Variants in RHBDF2 observed in about 807,000 individuals in gnomAD.
The protein encoded by RHBDF2 is inactive rhomboid protein 2.
RHBDF2 carries 38 observed loss-of-function variants against 95.2 expected under a neutral mutation model. The ratio of observed to expected loss-of-function variants is 0.40; its 90% CI spans 0.31 to 0.52. The LOEUF (loss-of-function observed/expected upper bound fraction) is 0.52. Ranked by LOEUF, RHBDF2 falls within the 20% of genes least tolerant of loss-of-function variation. The pLI, the probability that RHBDF2 is intolerant of heterozygous loss-of-function variation, is 0.56. For missense variants in RHBDF2, 863 were observed against 1,137.7 expected (o/e 0.76, Z 3.47); for synonymous variants, 442 against 462.0 (o/e 0.96, Z 0.55).
intron 1 of RHBDF2, among the ~76,000 whole-genome samples, chr17:76,494,896 A>G (rs780357243): frequency 3.9e-5 from 6 of 152,172 alleles, no homozygotes; most frequent in Admixed American, 6.5e-5. Context: ...CTTTGGGGCA[A>G]TGAAGGGAAG....
intron 1 of RHBDF2, among the ~76,000 whole-genome samples, chr17:76,488,336 C>T (rs1193128119): frequency 6.6e-6 from 1 of 151,684 alleles, no homozygotes; most frequent in African/African-American, 2.4e-5. Context: ...CCCATCTCTA[C>T]TAAAAATACA....
intron 9 of RHBDF2, 40 bp from the exon 10 acceptor site, chr17:76,475,181 A>G: frequency 2.1e-6 from 3 of 1,461,828 alleles, no homozygotes; most frequent in Non-Finnish European, 2.8e-6. Context: ...CCGAGCTCCT[A>G]TCCCAACCCC....
At chr17:76,497,153 C>T (rs2074446102) in intron 1 of RHBDF2, among the ~76,000 whole-genome samples, 1 of 152,190 alleles carries the variant, frequency 6.6e-6, no homozygotes, top group Non-Finnish European at 1.5e-5. Flanking sequence ...GGGCAGGAAG[C>T]CATCCCTGCA....
At chr17:76,478,282 G>A (rs2073835578) in intron 6 of RHBDF2, among the ~76,000 whole-genome samples, 2 of 152,296 alleles carry the variant, frequency 1.3e-5, no homozygotes, top group South Asian at 4.1e-4. Flanking sequence ...TGGGCTCCTG[G>A]CCCTTGCATA....
intron 2 of RHBDF2, among the ~76,000 whole-genome samples, chr17:76,484,775 G>A (rs1484882559): frequency 1.3e-5 from 2 of 152,118 alleles, no homozygotes; most frequent in African/African-American, 4.8e-5. Flanking sequence ...AGCTTTCCTG[G>A]GCCCCTCATT....
rs141461044 is a variant in RHBDF2, at chr17:76,473,753, G to A, written c.1639-11C>T. 270 of 1,611,896 alleles carry A rather than the reference G, an allele frequency of 1.7e-4. No individual in the cohort carries two copies. In the African/African-American group the frequency reaches 3.4e-3, roughly 20 times the overall value. ...CTGCTCTGTGCAGATCTGCCAGGAG[G>A]GGGCACCGGCAGGGAAGTGGGCTGT... On this transcript the variant is annotated splice_polypyrimidine_tract_variant and intron_variant, in intron 14 of 18. Coordinates refer to ENST00000675367, the MANE Select transcript of RHBDF2 (RefSeq NM_001005498.4).
chr17:76,497,450 C>T (rs1186688112), intron 1 of RHBDF2, among the ~76,000 whole-genome samples: 2 of 152,236 alleles, frequency 1.3e-5, no homozygotes, highest in Non-Finnish European at 2.9e-5. Flanking sequence ...CAGACACAGC[C>T]ACTCCTACAG....
At chr17:76,485,019 C>G (rs2074081936) in intron 2 of RHBDF2, among the ~76,000 whole-genome samples, 1 of 152,212 alleles carries the variant, frequency 6.6e-6, no homozygotes, top group African/African-American at 2.4e-5. Flanking sequence ...CGCCTGTAAT[C>G]TCAGCATTTT....
In RHBDF2 at chr17:76,471,694, G is replaced by T. The variant is rs2073567975; in HGVS notation, c.2423C>A (p.Thr808Asn). 1.9e-6 allele frequency: 3 copies of T among 1,610,822 alleles called. No individual in the cohort carries two copies. The highest frequency in any genetic ancestry group is 2.5e-6 in the Non-Finnish European group (3 of 1,178,820). Reference sequence around the variant, plus strand: ...GAAGCGGCTGGTGAAGGGGAAGCAGGTGAGGTGCTCGATCCAGGGCCAGTT... The same window carrying T: ...GAAGCGGCTGGTGAAGGGGAAGCAGTTGAGGTGCTCGATCCAGGGCCAGTT... ...PINWPWIEHL[T>N]CFPFTSRFCE... The change falls in exon 19 of 19, where the codon ACC becomes AAC. Residue 808 changes from threonine (T) to asparagine (N), a missense_variant. By Grantham distance (65) the Thr-to-Asn change is moderately conservative. Transcript: ENST00000675367.
At chr17:76,478,632 G>A (rs2073847762) in intron 6 of RHBDF2, among the ~76,000 whole-genome samples, 174 bp downstream of exon 6, 1 of 152,198 alleles carries the variant, frequency 6.6e-6, no homozygotes, top group African/African-American at 2.4e-5. Flanking sequence ...GGACGCCTGG[G>A]TGCTGGGCTT....
intron 1 of RHBDF2, among the ~76,000 whole-genome samples, chr17:76,494,649 G>A (rs143507208): frequency 1.2e-3 from 180 of 152,342 alleles, no homozygotes; most frequent in Middle Eastern, 6.8e-3. Flanking sequence ...CTACTGAGGA[G>A]GCTGAGGCAG....
At chr17:76,488,136 A>T (rs1199029053) in intron 1 of RHBDF2, 1 of 152,268 alleles carries the variant, frequency 6.6e-6, no homozygotes, top group African/African-American at 2.4e-5. Flanking sequence ...TGGGAACCTG[A>T]TTGGAGCAGA....
rs141169581 is a variant in RHBDF2, at chr17:76,479,827, C to A, written c.178G>T (p.Val60Phe). Residue 60 changes from valine (V) to phenylalanine (F), a missense_variant, in exon 4 of 19, where the codon GTC becomes TTC. Physicochemically the swap from Val to Phe is conservative, Grantham distance 50 (BLOSUM62 -1). Coordinates refer to ENST00000675367, the MANE Select transcript of RHBDF2 (RefSeq NM_001005498.4). ...CGGCTGCGTGGCTCCTGGAGGCTGA[C>A]GCTCTTCAAGTAGGCTGGGTTCTTC... ...ERKNPAYLKS[V>F]SLQEPRSRWQ... 64 of 1,612,996 alleles carry A rather than the reference C, an allele frequency of 4.0e-5. No homozygotes were observed. The highest frequency in any genetic ancestry group is 5.2e-5 in the Non-Finnish European group (61 of 1,179,806).
At chr17:76,479,298 C>T in intron 4 of RHBDF2, 21 bp from the exon 5 acceptor site, 9 of 1,580,732 alleles carry the variant, frequency 5.7e-6, no homozygotes, top group Non-Finnish European at 7.7e-6. Context: ...AGACAAGGGA[C>T]AGGTGGGCAT....
intron 18 of RHBDF2, 91 bp downstream of exon 18, chr17:76,472,595 G>A (rs780939340): frequency 4.9e-5 from 75 of 1,532,646 alleles, no homozygotes; most frequent in South Asian, 1.9e-4. Flanking sequence ...GAGGGGCACC[G>A]TGTCCCTCTG....
At chr17:76,484,048 G>A (rs2074050030) in intron 2 of RHBDF2, among the ~76,000 whole-genome samples, 1 of 152,094 alleles carries the variant, frequency 6.6e-6, no homozygotes, top group South Asian at 2.1e-4. Flanking sequence ...GATCACCTGA[G>A]GTCGGGAGTT....
At chr17:76,474,989 G>C in intron 10 of RHBDF2, 41 bp downstream of exon 10, 1 of 1,509,216 alleles carries the variant, frequency 6.6e-7, no homozygotes, top group Non-Finnish European at 9.1e-7. Context: ...GGCCTCCTAG[G>C]AGAGGCTGGG....
chr17:76,485,078 C>T (rs2074083526), intron 2 of RHBDF2, among the ~76,000 whole-genome samples: 1 of 152,106 alleles, frequency 6.6e-6, no homozygotes, highest in South Asian at 2.1e-4. Flanking sequence ...TCAAGACCAG[C>T]CTGGCCAACA....
At chr17:76,478,324 T>C (rs903377062) in intron 6 of RHBDF2, among the ~76,000 whole-genome samples, 4 of 152,214 alleles carry the variant, frequency 2.6e-5, no homozygotes, top group African/African-American at 9.6e-5. Flanking sequence ...TGCTGTTCCC[T>C]TCCTTCCCTA....
Sources: gnomAD v4.1 joint callset for allele counts (sites outside exome capture counted in the v4.1 genomes callset) on GRCh38, gnomAD v4.1.1 for gene constraint, MANE v1.5 for transcripts, NCBI Gene and HGNC (gene_info 2026-07-23, HGNC 2026-07-21) for gene names.